Variants in KAZN observed in about 807,000 individuals in gnomAD.
The protein encoded by KAZN is kazrin, periplakin interacting protein.
A neutral mutation model predicts 87.4 loss-of-function variants in KAZN; 40 were observed. The ratio of observed to expected loss-of-function variants is 0.46; its 90% CI spans 0.36 to 0.60. The LOEUF (loss-of-function observed/expected upper bound fraction) is 0.60, where lower values mean the gene tolerates loss of function less well. KAZN is among the 20% of genes least tolerant of loss of function. The pLI is 0.00. For missense variants in KAZN, 898 were observed against 1,073.9 expected, an observed-to-expected ratio of 0.84 and a Z score of 2.29; for synonymous variants, 466 against 458.3, an observed-to-expected ratio of 1.02 and a Z score of -0.22.
At chr1:14,173,271 A>C (rs1645995326) in intron 1 of KAZN, among the ~76,000 whole-genome samples, 1 of 152,220 alleles carries the variant, frequency 6.6e-6, no homozygotes, top group Non-Finnish European at 1.5e-5. Context: ...CTGATTGCAA[A>C]TGATAGAAAC....
chr1:14,639,499 A>G (rs1428845072), intron 1 of KAZN, among the ~76,000 whole-genome samples: 1 of 152,202 alleles, frequency 6.6e-6, no homozygotes, highest in Non-Finnish European at 1.5e-5. Flanking sequence ...GACCATGGCC[A>G]TAGACCTGTT....
intron 2 of KAZN, among the ~76,000 whole-genome samples, chr1:14,563,481 T>C (rs1348686608): frequency 6.6e-6 from 1 of 152,190 alleles, no homozygotes; most frequent in Non-Finnish European, 1.5e-5. Flanking sequence ...TCCAAACTCC[T>C]GGCTTGAATA....
At chr1:14,040,789 T>TA (rs1641804027) in intron 1 of KAZN, among the ~76,000 whole-genome samples, 6 of 124,260 alleles carry the variant, frequency 4.8e-5, no homozygotes, top group Admixed American at 3.1e-4. Flanking sequence ...AAAATAAAAT[T>TA]AAATTAAATT....
intron 2 of KAZN, among the ~76,000 whole-genome samples, chr1:14,339,181 C>A (rs1657498286): frequency 6.6e-6 from 1 of 152,062 alleles, no homozygotes; most frequent in Non-Finnish European, 1.5e-5. Flanking sequence ...AAAGAAAGAA[C>A]ATAAAAACAG....
At chr1:14,608,467 G>A (rs1256082944) in intron 1 of KAZN, among the ~76,000 whole-genome samples, 7 of 152,196 alleles carry the variant, frequency 4.6e-5, no homozygotes, top group East Asian at 3.9e-4. Flanking sequence ...ATGGTAATAC[G>A]TAATAAAAAC....
chr1:14,714,513 G>A (rs1307935885), intron 1 of KAZN, among the ~76,000 whole-genome samples: 1 of 152,160 alleles, frequency 6.6e-6, no homozygotes, highest in African/African-American at 2.4e-5. Context: ...TCCACGTGGG[G>A]GCCCTGGGTT....
At chr1:14,389,303 A>G (rs571507191) in intron 2 of KAZN, among the ~76,000 whole-genome samples, 2 of 152,334 alleles carry the variant, frequency 1.3e-5, no homozygotes, top group African/African-American at 4.8e-5. Context: ...AGGTTTCTCA[A>G]AAAAACTAAA....
At chr1:14,338,965 T>G (rs1288261519) in intron 2 of KAZN, among the ~76,000 whole-genome samples, 1 of 152,138 alleles carries the variant, frequency 6.6e-6, no homozygotes. Flanking sequence ...CATTGCTGAA[T>G]CAATCCTTGG....
chr1:14,021,097 T>C (rs913062912), intron 1 of KAZN, among the ~76,000 whole-genome samples: 2 of 152,230 alleles, frequency 1.3e-5, no homozygotes, highest in African/African-American at 4.8e-5. Flanking sequence ...TGTTTTGGGC[T>C]GGACAGTTTT....
At chr1:14,809,023 T>C (rs1646319988) in intron 1 of KAZN, among the ~76,000 whole-genome samples, 1 of 151,956 alleles carries the variant, frequency 6.6e-6, no homozygotes, top group Non-Finnish European at 1.5e-5. Context: ...GTCATGTGAC[T>C]CTCTGCTTCA....
intron 2 of KAZN, among the ~76,000 whole-genome samples, chr1:14,540,688 T>C (rs1571893013): frequency 6.6e-6 from 1 of 152,238 alleles, no homozygotes; most frequent in African/African-American, 2.4e-5. Context: ...GTCTATATAC[T>C]TCCATGGGAT....
At chr1:14,429,463 G>A (rs1266273835) in intron 2 of KAZN, among the ~76,000 whole-genome samples, 2 of 152,172 alleles carry the variant, frequency 1.3e-5, no homozygotes, top group Non-Finnish European at 2.9e-5. Context: ...ATTCTCTGAA[G>A]GTTTGGCTTA....
chr1:14,544,926 C>T (rs961482089), intron 2 of KAZN, among the ~76,000 whole-genome samples: 1 of 152,042 alleles, frequency 6.6e-6, no homozygotes, highest in Non-Finnish European at 1.5e-5. Context: ...ATTCAAAGTG[C>T]CCAGCCCTGT....
chr1:15,065,860 G>A (rs891302744), intron 8 of KAZN, 107 bp downstream of exon 8: 30 of 1,551,294 alleles, frequency 1.9e-5, no homozygotes, highest in Middle Eastern at 1.8e-4. Flanking sequence ...GTGTGCAAGC[G>A]AGCGTGGGTG....
chr1:14,261,142 G>A (rs2100651397), intron 2 of KAZN, among the ~76,000 whole-genome samples: 1 of 152,338 alleles, frequency 6.6e-6, no homozygotes, highest in South Asian at 2.1e-4. Flanking sequence ...AAAAAGTAGG[G>A]TGGGGAATTG....
At chr1:14,418,771 C>G (rs1308872644) in intron 2 of KAZN, among the ~76,000 whole-genome samples, 1 of 152,160 alleles carries the variant, frequency 6.6e-6, no homozygotes. Context: ...GAAGCCAGAC[C>G]CTTCTCCCAC....
intron 1 of KAZN, among the ~76,000 whole-genome samples, chr1:14,032,729 C>T (rs2206586): frequency 0.72 from 109,188 of 152,084 alleles, 39,354 homozygotes; most frequent in Admixed American, 0.83. Context: ...TATTCTACCT[C>T]CTTAACGTGT....
intron 1 of KAZN, among the ~76,000 whole-genome samples, chr1:13,904,056 A>G (rs538150198): frequency 6.6e-6 from 1 of 152,194 alleles, no homozygotes; most frequent in Non-Finnish European, 1.5e-5. Context: ...GGAAAGGTCT[A>G]TTTGGAGACT....
intron 1 of KAZN, among the ~76,000 whole-genome samples, chr1:14,847,903 C>A (rs868426680): frequency 2.6e-4 from 40 of 152,218 alleles, no homozygotes; most frequent in African/African-American, 8.7e-4. Flanking sequence ...TCACTCGAGC[C>A]CAGGAGTTCG....
Sources: allele counts gnomAD v4.1 joint callset (sites outside exome capture counted in the v4.1 genomes callset), GRCh38; gene constraint gnomAD v4.1.1; transcripts MANE v1.5; gene names NCBI Gene and HGNC (gene_info 2026-07-23, HGNC 2026-07-21).